Variants in ARHGEF33 observed in about 807,000 individuals in gnomAD.
ARHGEF33 encodes the protein DH and coiled-coil domain-containing protein ENSP00000381780.
Under a neutral mutation model 101.9 loss-of-function variants are expected in ARHGEF33, and 72 were observed. That is an observed-to-expected ratio of 0.71 (90% CI 0.58 to 0.86). The LOEUF is 0.86. Among genes scored for constraint, ARHGEF33 ranks in the 40% least tolerant of loss-of-function variants. ARHGEF33 has a pLI of 0.00. For synonymous variants in ARHGEF33, 499 were observed against 442.5 expected (o/e 1.13, Z -1.60); for missense variants, 1,169 against 1,111.3 (o/e 1.05, Z -0.74).
At chr2:38,930,987 G>A (rs981613360) in intron 6 of ARHGEF33, 122 bp from the exon 7 acceptor site, 9 of 693,492 alleles carry the variant, frequency 1.3e-5, no homozygotes, top group African/African-American at 5.4e-5. Flanking sequence ...TTCAAAAATA[G>A]CAATTTATAT....
chr2:38,943,239 T>A (rs375622132), intron 9 of ARHGEF33, among the ~76,000 whole-genome samples: 1 of 152,312 alleles, frequency 6.6e-6, no homozygotes, highest in African/African-American at 2.4e-5. Context: ...ATAGCTGACC[T>A]CTTTGTGTCA....
intron 2 of ARHGEF33, among the ~76,000 whole-genome samples, chr2:38,903,644 A>G (rs1666299931): frequency 6.6e-6 from 1 of 152,206 alleles, no homozygotes; most frequent in Admixed American, 6.5e-5. Flanking sequence ...GTTTGCTTCT[A>G]AATTTTAAAC....
In ARHGEF33 at chr2:38,975,242, T is replaced by G. The variant is rs892428492; in HGVS notation, c.*1399T>G. 1 of 152,198 alleles carries G rather than the reference T, an allele frequency of 6.6e-6. No homozygotes were observed. The highest frequency in any genetic ancestry group is 1.5e-5 in the Non-Finnish European group (1 of 68,024). The allele number at this position is 152,198 out of a possible 1,614,324, so 9.4% of individuals were successfully genotyped here. A position where few individuals can be genotyped will look rare whatever the true frequency, so the allele number is the denominator to read the frequency against. ...TTGAATAGTAGTTGTCTGGAACACA[T>G]AAAGGATCACTGCCAAGTTTTTTGA... is the stretch of plus-strand genomic sequence containing the variant. On this transcript the variant is annotated 3_prime_UTR_variant, in exon 18 of 18. Coordinates refer to ENST00000409978, the MANE Select transcript of ARHGEF33 (RefSeq NM_001145451.5).
At chr2:38,903,671 T>C (rs552574774) in intron 2 of ARHGEF33, among the ~76,000 whole-genome samples, 1 of 152,286 alleles carries the variant, frequency 6.6e-6, no homozygotes, top group Non-Finnish European at 1.5e-5. Context: ...ATCTAATATA[T>C]ATAACAAGGA....
At chr2:38,957,473 A>T (rs1667797660) in intron 14 of ARHGEF33, among the ~76,000 whole-genome samples, 1 of 152,260 alleles carries the variant, frequency 6.6e-6, no homozygotes, top group African/African-American at 2.4e-5. Flanking sequence ...CCCCAACCAA[A>T]TCTTTGCCAC....
At chr2:38,965,033 G>C (rs1233733438) in intron 16 of ARHGEF33, among the ~76,000 whole-genome samples, 6 of 151,264 alleles carry the variant, frequency 4.0e-5, no homozygotes, top group Non-Finnish European at 5.9e-5. Flanking sequence ...CTCAAAGTCA[G>C]ACCCATATGT....
chr2:38,929,286 G>A (rs185461376), intron 5 of ARHGEF33, among the ~76,000 whole-genome samples: 4 of 152,144 alleles, frequency 2.6e-5, no homozygotes, highest in East Asian at 1.9e-4. Flanking sequence ...AAAATTAGCC[G>A]GGTGTGGTGG....
intron 10 of ARHGEF33, among the ~76,000 whole-genome samples, chr2:38,947,375 G>A (rs570832601): frequency 6.6e-6 from 1 of 152,302 alleles, no homozygotes; most frequent in Non-Finnish European, 1.5e-5. Context: ...GAACTTGAGG[G>A]CTATGATTCA....
chr2:38,953,575 T>C (rs1667665493), intron 12 of ARHGEF33, among the ~76,000 whole-genome samples: 1 of 152,210 alleles, frequency 6.6e-6, no homozygotes, highest in Non-Finnish European at 1.5e-5. Context: ...TCTCAGAAGA[T>C]GTGAATCTGA....
rs557781812 is a variant in ARHGEF33 at position 38,942,324 on chromosome 2, G to A, written c.791-1577G>A. 3.3e-5 allele frequency among the ~76,000 whole-genome samples: 5 copies of A among 151,666 alleles called. No homozygotes were observed. In the East Asian group the frequency reaches 7.8e-4, roughly 24 times the overall value. ...CTGGACGACAGGTGCACACCACTATGCCCAGCTAACTTTTGTATTTTTAGT... is the reference window on the plus strand; with the variant it reads ...CTGGACGACAGGTGCACACCACTATACCCAGCTAACTTTTGTATTTTTAGT... On this transcript the variant is annotated intron_variant, in intron 9 of 17. Transcript: ENST00000409978.
chr2:38,923,775 A>G (rs1453400664), intron 4 of ARHGEF33, among the ~76,000 whole-genome samples: 1 of 152,206 alleles, frequency 6.6e-6, no homozygotes, highest in Non-Finnish European at 1.5e-5. Flanking sequence ...GGAAAAAGAG[A>G]AGAGATCCTC....
chr2:38,943,814 A>ATTG, intron 9 of ARHGEF33, 87 bp from the exon 10 acceptor site: 3 of 1,340,666 alleles, frequency 2.2e-6, no homozygotes, highest in South Asian at 2.8e-5. Context: ...TGCTTTCAAT[A>ATTG]TCCTTTTATC....
intron 16 of ARHGEF33, among the ~76,000 whole-genome samples, chr2:38,962,691 G>C (rs913638513): frequency 2.0e-5 from 3 of 151,838 alleles, no homozygotes; most frequent in Non-Finnish European, 4.4e-5. Context: ...TCTGTTTCTA[G>C]ACACAATTTT....
In ARHGEF33 at chr2:38,973,929, T is replaced by G; in HGVS notation, c.*86T>G. ...GTGTAGGAATATATATATATATCTA[T>G]ATCTATATATATATATATATCGATG... On this transcript the variant is annotated 3_prime_UTR_variant, in exon 18 of 18. Coordinates refer to ENST00000409978, the MANE Select transcript of ARHGEF33 (RefSeq NM_001145451.5). 3.7e-6 allele frequency: 3 copies of G among 816,334 alleles called. No individual in the cohort carries two copies. The highest frequency in any genetic ancestry group is 4.7e-6 in the Non-Finnish European group (3 of 632,160). The allele number at this position is 816,334 out of a possible 1,614,324, so 50.6% of individuals were successfully genotyped here.
intron 1 of ARHGEF33, among the ~76,000 whole-genome samples, chr2:38,892,227 A>G (rs1666021174): frequency 6.6e-6 from 1 of 152,124 alleles, no homozygotes; most frequent in Admixed American, 6.5e-5. Context: ...ATTCCCTTAT[A>G]TGGGGCAATG....
intron 7 of ARHGEF33, among the ~76,000 whole-genome samples, chr2:38,934,478 C>T (rs1404110148): frequency 4.6e-5 from 4 of 87,550 alleles, no homozygotes; most frequent in African/African-American, 1.4e-4. Flanking sequence ...CTCTTCCTCC[C>T]GCTTCTCTCC....
Position 38,943,926 on chromosome 2 carries a change from A to G in ARHGEF33, c.816A>G (p.Glu272=), listed in dbSNP as rs999672362. 1 of 1,551,776 alleles carries G rather than the reference A, an allele frequency of 6.4e-7. No homozygotes were observed. Among genetic ancestry groups the G allele is most frequent in the African/African-American group, 1.4e-5 (1 of 73,022 alleles). The change falls in exon 10 of 18, where the codon GAA becomes GAG. Residue 272 remains glutamate (E), a synonymous_variant. Transcript: ENST00000409978. The part of the protein sequence containing the change: ...LAAKRQTVAL[E]LLESERKYVI... ...CTAAAAGACAGACTGTGGCCCTGGA[A>G]CTGCTTGAATCTGAAAGAAAATATG...
rs149894671 is a variant in ARHGEF33, at chr2:38,945,331, G to C, written c.920+1301G>C. Reference sequence around the variant, plus strand: ...GCTGCCCTCCTACCTAAATGACCGAGTGAGGCACTACTCCCTGACAAACCC... The same window carrying C: ...GCTGCCCTCCTACCTAAATGACCGACTGAGGCACTACTCCCTGACAAACCC... On this transcript the variant is annotated intron_variant, in intron 10 of 17. Transcript: ENST00000409978. Among the ~76,000 whole-genome samples, 20 of 152,266 alleles carry C rather than the reference G, an allele frequency of 1.3e-4. No individual in the cohort carries two copies. The East Asian group carries it at 3.9e-3, about 29-fold the overall frequency.
intron 2 of ARHGEF33, among the ~76,000 whole-genome samples, chr2:38,909,285 TG>T (rs1012117207): frequency 3.3e-5 from 5 of 152,280 alleles, no homozygotes; most frequent in African/African-American, 1.2e-4. Flanking sequence ...AGATGTCTGG[TG>T]GCAGAGTCCT....
Sources: gnomAD v4.1 joint callset for allele counts (sites outside exome capture counted in the v4.1 genomes callset) on GRCh38, gnomAD v4.1.1 for gene constraint, MANE v1.5 for transcripts, NCBI Gene and HGNC (gene_info 2026-07-23, HGNC 2026-07-21) for gene names.